The following FREM3 variants were observed in gnomAD, a reference collection of about 807,000 sequenced individuals.
The protein encoded by FREM3 is FRAS1 related extracellular matrix 3.
FREM3 carries 105 observed loss-of-function variants against 129.1 expected under a neutral mutation model. The observed-to-expected ratio is 0.81, with a 90% CI of 0.69 to 0.96. The LOEUF is 0.96. Among genes scored for constraint, FREM3 ranks in the 40% least tolerant of loss-of-function variants. FREM3 has a pLI of 0.00. For missense variants in FREM3, 2,593 were observed against 2,666.3 expected (o/e 0.97, Z 0.61); for synonymous variants, 1,014 against 1,044.9 (o/e 0.97, Z 0.57).
At chr4:143,656,779 T>C (rs765227838) in intron 2 of FREM3, among the ~76,000 whole-genome samples, 5 of 152,168 alleles carry the variant, frequency 3.3e-5, no homozygotes, top group East Asian at 1.9e-4. Context: ...AACCATTCAA[T>C]TGCATACTTT....
chr4:143,695,167 A>C lies in FREM3; in HGVS notation c.5185+324T>G, dbSNP rs141862174. 1.3e-3 allele frequency among the ~76,000 whole-genome samples: 202 copies of C among 152,356 alleles called. 3 individuals carry two copies. In the East Asian group the frequency reaches 0.033, roughly 25 times the overall value. The stretch of plus-strand genomic sequence containing the variant: ...TATGTCATTCTTAAAATTCAAAATC[A>C]ATCTGATATTATCAGAATTAATATA... On this transcript the variant is annotated intron_variant, in intron 1 of 7. Coordinates refer to ENST00000329798, the MANE Select transcript of FREM3 (RefSeq NM_001168235.2).
chr4:143,651,043 CAT>C (rs1440547590), intron 2 of FREM3, among the ~76,000 whole-genome samples: 4 of 152,120 alleles, frequency 2.6e-5, no homozygotes, highest in African/African-American at 9.7e-5. Flanking sequence ...TAATAATATT[CAT>C]ATGTTTCTAT....
chr4:143,671,848 G>A (rs1012992830), intron 2 of FREM3, among the ~76,000 whole-genome samples: 3 of 152,208 alleles, frequency 2.0e-5, no homozygotes, highest in African/African-American at 7.2e-5. Context: ...GTATGGGCAA[G>A]TCTACATCAC....
intron 2 of FREM3, among the ~76,000 whole-genome samples, chr4:143,663,415 A>G (rs1007727861): frequency 2.0e-5 from 3 of 151,962 alleles, no homozygotes; most frequent in Non-Finnish European, 2.9e-5. Context: ...ATTGGCCCCC[A>G]CTCTCTTCTG....
chr4:143,600,877 C>G (rs1323015150), intron 6 of FREM3, among the ~76,000 whole-genome samples: 1 of 152,044 alleles, frequency 6.6e-6, no homozygotes, highest in Non-Finnish European at 1.5e-5. Flanking sequence ...AACTTTTTAT[C>G]AGTGCTATCA....
chr4:143,609,253 G>C (rs1909022), intron 6 of FREM3, among the ~76,000 whole-genome samples: 4 of 151,812 alleles, frequency 2.6e-5, no homozygotes, highest in Non-Finnish European at 1.5e-5. Context: ...CATTTCTTTC[G>C]TTGTGTACCT....
rs184827955 is a variant in FREM3, at chr4:143,685,647, C to T, written c.5275+7466G>A. ...CAAAGTACATAGGCAACAAAGTGCA[C>T]GATGACTGCAATAGTACTTCACATT... On this transcript the variant is annotated intron_variant, in intron 2 of 7. Coordinates refer to ENST00000329798, the MANE Select transcript of FREM3 (RefSeq NM_001168235.2). 7.9e-5 allele frequency among the ~76,000 whole-genome samples: 12 copies of T among 152,338 alleles called. No individual in the cohort carries two copies. In the East Asian group the frequency reaches 2.3e-3, roughly 29 times the overall value.
At chr4:143,677,342 G>A (rs562045959) in intron 2 of FREM3, among the ~76,000 whole-genome samples, 1 of 152,324 alleles carries the variant, frequency 6.6e-6, no homozygotes, top group South Asian at 2.1e-4. Context: ...CTAGCCATAT[G>A]TAGAAAGCTG....
chr4:143,617,092 A>G (rs1738866955), intron 5 of FREM3, among the ~76,000 whole-genome samples: 1 of 152,216 alleles, frequency 6.6e-6, no homozygotes, highest in Non-Finnish European at 1.5e-5. Context: ...GAGAGTGACT[A>G]ATGAGAAGAA....
In FREM3 at chr4:143,669,191, A is replaced by C. The variant is rs1739920504; in HGVS notation, c.5275+23922T>G. Among the ~76,000 whole-genome samples, 4 of 152,242 alleles carry C rather than the reference A, an allele frequency of 2.6e-5. No individual in the cohort carries two copies. The South Asian group carries it at 8.3e-4, about 31-fold the overall frequency. ...TAAAATAAAAATGAGTCTAAGACTG[A>C]GAGGCCTGTGAACCAGAAAAAATAA... On this transcript the variant is annotated intron_variant, in intron 2 of 7. Transcript: ENST00000329798.
Position 143,696,549 on chromosome 4 carries a change from G to A in FREM3, c.4127C>T (p.Thr1376Ile), listed in dbSNP as rs867300897. Residue 1376 changes from threonine (T) to isoleucine (I), a missense_variant, in exon 1 of 8, where the codon ACC becomes ATC. Transcript: ENST00000329798. ...RNNLTLGMNF[T>I]QDEINRGLIC... The stretch of plus-strand genomic sequence containing the variant: ...GAGGCCTCTGTTAATCTCATCCTGG[G>A]TAAAGTTCATTCCCAGAGTAAGATT... 1.7e-5 allele frequency: 26 copies of A among 1,537,338 alleles called. No homozygotes were observed. The Middle Eastern group carries it at 2.2e-3, about 128-fold the overall frequency.
rs746111085 is a variant in FREM3, at chr4:143,696,505, C to T, written c.4171G>A (p.Gly1391Ser). 64 of 1,537,486 alleles carry T rather than the reference C, an allele frequency of 4.2e-5. No homozygotes were observed. Among genetic ancestry groups the T allele is most frequent in the Non-Finnish European group, 5.3e-5 (61 of 1,147,002 alleles). The change falls in exon 1 of 8, where the codon GGC becomes AGC. Residue 1391 changes from glycine (G) to serine (S), a missense_variant. Coordinates refer to ENST00000329798, the MANE Select transcript of FREM3 (RefSeq NM_001168235.2). Reference protein sequence around the residue: ...NRGLICYIHTGQEGIVDIIKF... With the variant: ...NRGLICYIHTSQEGIVDIIKF... ...ATAATGTCAACAATCCCTTCTTGGC[C>T]TGTGTGGATATAGCAGATGAGGCCT...
At chr4:143,641,984 C>T (rs1739327838) in intron 2 of FREM3, among the ~76,000 whole-genome samples, 1 of 151,904 alleles carries the variant, frequency 6.6e-6, no homozygotes, top group African/African-American at 2.4e-5. Context: ...GCAGAATAAT[C>T]ATAGATGAAT....
At chr4:143,588,558 A>G (rs1457905641) in intron 6 of FREM3, among the ~76,000 whole-genome samples, 2 of 152,090 alleles carry the variant, frequency 1.3e-5, no homozygotes, top group Non-Finnish European at 2.9e-5. Flanking sequence ...CGATGTCCCT[A>G]CAATGGACAT....
chr4:143,699,776 G>C lies in FREM3; in HGVS notation c.900C>G (p.Ala300=), dbSNP rs1202286337. The part of the protein sequence containing the change: ...FQLLVRIRGG[A]ENTPPRPSFM... ...AGCTGGGCCTGGGCGGTGTGTTCTC[G>C]GCTCCGCCGCGGATCCTCACGAGCA... The change falls in exon 1 of 8, where the codon GCC becomes GCG. Residue 300 remains alanine, a synonymous_variant. Coordinates refer to ENST00000329798, the MANE Select transcript of FREM3 (RefSeq NM_001168235.2). The surrounding 1 kb of genome is among the most constrained non-coding windows in gnomAD (Gnocchi z 4.2). 18 of 1,533,880 alleles carry C rather than the reference G, an allele frequency of 1.2e-5. No individual in the cohort carries two copies. The highest frequency in any genetic ancestry group is 1.6e-5 in the Non-Finnish European group (18 of 1,145,438).
At chr4:143,636,808 A>T (rs895374058) in intron 2 of FREM3, among the ~76,000 whole-genome samples, 12 of 152,182 alleles carry the variant, frequency 7.9e-5, no homozygotes, top group African/African-American at 2.7e-4. Flanking sequence ...AATGCATTTA[A>T]TAAATGCTGA....
At chr4:143,586,460 A>G (rs1293680862) in intron 6 of FREM3, among the ~76,000 whole-genome samples, 1 of 152,096 alleles carries the variant, frequency 6.6e-6, no homozygotes, top group East Asian at 1.9e-4. Flanking sequence ...TTCTTAGGGC[A>G]TTTGCTGATT....
At chr4:143,614,502 C>A (rs77609497) in intron 5 of FREM3, among the ~76,000 whole-genome samples, 2,094 of 152,240 alleles carry the variant, frequency 0.014, 41 homozygotes, top group African/African-American at 0.048. Context: ...GATTTCCAGG[C>A]TGGTATCAAA....
In FREM3 at chr4:143,658,991, C is replaced by A. The variant is rs750326565; in HGVS notation, c.5276-31231G>T. On this transcript the variant is annotated intron_variant, in intron 2 of 7. Coordinates refer to ENST00000329798, the MANE Select transcript of FREM3 (RefSeq NM_001168235.2). ...GATCTTTTCTTTCTCCTTCACTTGGCTAATGCCTACTCATTCAGGTCTCAG... is the reference window on the plus strand; with the variant it reads ...GATCTTTTCTTTCTCCTTCACTTGGATAATGCCTACTCATTCAGGTCTCAG... 3.9e-4 allele frequency among the ~76,000 whole-genome samples: 59 copies of A among 150,798 alleles called. 1 individual carries two copies. Among genetic ancestry groups the A allele is most frequent in the Non-Finnish European group, 7.2e-4 (49 of 67,790 alleles).
Sources: gnomAD v4.1 joint callset for allele counts (sites outside exome capture counted in the v4.1 genomes callset) on GRCh38, gnomAD v4.1.1 for gene constraint, Gnocchi (gnomAD v3.1) non-coding constraint, MANE v1.5 for transcripts, NCBI Gene and HGNC (gene_info 2026-07-23, HGNC 2026-07-21) for gene names.